Variants in LRIG2 observed in about 807,000 individuals in gnomAD.
LRIG2 encodes the protein leucine rich repeats and immunoglobulin like domains 2.
In LRIG2, 93 loss-of-function variants were observed where a neutral mutation model predicts 107.8. The observed-to-expected ratio is 0.86, with a 90% CI of 0.73 to 1.03. The LOEUF (loss-of-function observed/expected upper bound fraction) is 1.03, where lower values mean the gene tolerates loss of function less well. Among genes scored for constraint, LRIG2 ranks in the 50% least tolerant of loss-of-function variants. The probability of loss-of-function intolerance (pLI) is 0.00; values close to 1 mark genes in which losing one functional copy is unlikely to be tolerated. For missense variants in LRIG2, 1,226 were observed against 1,296.0 expected, an observed-to-expected ratio of 0.95 and a Z score of 0.83; for synonymous variants, 471 against 470.6, an observed-to-expected ratio of 1.00 and a Z score of -0.01.
chr1:113,112,777 A>C lies in LRIG2; in HGVS notation c.2080+17A>C. The C allele has an allele frequency of 2.5e-6, 4 of 1,575,328 alleles. No individual in the cohort carries two copies. In the South Asian group the frequency reaches 4.6e-5, roughly 18 times the overall value. ...CAGTGTTAGGTACGTTTACTGCTCC[A>C]TGGGTCCCTGCTTTTGTTGGAGTCT... On this transcript the variant is annotated intron_variant, in intron 14 of 17. Coordinates refer to ENST00000361127, the MANE Select transcript of LRIG2 (RefSeq NM_014813.3).
At chr1:113,086,554 T>G (rs1653563462) in intron 1 of LRIG2, among the ~76,000 whole-genome samples, 1 of 152,212 alleles carries the variant, frequency 6.6e-6, no homozygotes, top group Non-Finnish European at 1.5e-5. Flanking sequence ...CAGATGTATG[T>G]GTGACTGTGC....
Position 113,093,436 on chromosome 1 carries a change from TAATATAATCCCAGA to T in LRIG2, c.392_405del (p.Ile131LysfsTer35). The T allele has an allele frequency of 1.2e-6, 2 of 1,613,886 alleles. No individual in the cohort carries two copies. The highest frequency in any genetic ancestry group is 2.2e-5 in the South Asian group (2 of 91,070). ...TATAATCTTTGTTTTACAGAGTCCA[TAATATAATCCCAGA>T]AATAAATGCACAGGCACTCCAGTTT... On this transcript the variant is annotated frameshift_variant, in exon 4 of 18. Transcript: ENST00000361127. LOFTEE classifies it high-confidence loss of function.
chr1:113,075,160 C>A (rs1652914352), intron 1 of LRIG2, among the ~76,000 whole-genome samples: 1 of 151,120 alleles, frequency 6.6e-6, no homozygotes, highest in Non-Finnish European at 1.5e-5. Flanking sequence ...TGGAGTGAGC[C>A]GAGATCGTGC....
chr1:113,073,495 C>G lies in LRIG2; in HGVS notation c.89C>G (p.Thr30Ser). 1 of 1,614,188 alleles carries G rather than the reference C, an allele frequency of 6.2e-7. No homozygotes were observed. The highest frequency in any genetic ancestry group is 8.5e-7 in the Non-Finnish European group (1 of 1,180,024). ...VLSRLLFIAQ[T>S]ALLLLPAAGA... ...TCTCGGTTACTCTTCATTGCCCAGA[C>G]CGCTCTCCTCCTGTTGCCCGCCGCC... The change falls in exon 1 of 18, where the codon ACC (threonine) becomes AGC (serine). Residue 30 changes from threonine (T) to serine (S), a missense_variant. Thr to Ser is a moderately conservative substitution (Grantham distance 58, BLOSUM62 1). Coordinates refer to ENST00000361127, the MANE Select transcript of LRIG2 (RefSeq NM_014813.3).
intron 11 of LRIG2, among the ~76,000 whole-genome samples, chr1:113,101,185 C>A (rs1654293714): frequency 1.3e-5 from 2 of 152,302 alleles, no homozygotes; most frequent in African/African-American, 4.8e-5. Flanking sequence ...GTTCTCACCT[C>A]AGCCTCCTGA....
At chr1:113,078,797 C>T (rs957219162) in intron 1 of LRIG2, among the ~76,000 whole-genome samples, 2 of 151,856 alleles carry the variant, frequency 1.3e-5, no homozygotes, top group African/African-American at 2.4e-5. Context: ...TGCACCACCA[C>T]GCCCAGCTAA....
chr1:113,123,894 G>A lies in LRIG2; in HGVS notation c.2991G>A (p.Val997=), dbSNP rs1356768777. 6.2e-7 allele frequency: 1 copy of A among 1,614,132 alleles called. No homozygotes were observed. The highest frequency in any genetic ancestry group is 1.7e-5 in the Admixed American group (1 of 60,022). Residue 997 remains valine, a synonymous_variant, in exon 18 of 18, where the codon GTG becomes GTA. Transcript: ENST00000361127. ...QMSGETLQRP[V]WNINRELGLP... is the part of the protein sequence containing the mutation. ...TCTCAGAAACATTGCAGCGGCCCGT[G>A]TGGAACATAAACAGAGAACTAGGCC... is the stretch of plus-strand genomic sequence containing the variant.
At chr1:113,111,279 G>A (rs993282689) in intron 13 of LRIG2, among the ~76,000 whole-genome samples, 2 of 152,152 alleles carry the variant, frequency 1.3e-5, no homozygotes, top group African/African-American at 2.4e-5. Flanking sequence ...CAAGTGATCC[G>A]CCTGCCTTGG....
chr1:113,122,271 G>A (rs924625024), intron 17 of LRIG2, among the ~76,000 whole-genome samples: 4 of 151,494 alleles, frequency 2.6e-5, no homozygotes, highest in African/African-American at 9.7e-5. Flanking sequence ...TTTTTTAGTG[G>A]AGACAGGGTT....
intron 8 of LRIG2, among the ~76,000 whole-genome samples, chr1:113,097,778 A>G (rs915412037): frequency 6.6e-6 from 1 of 152,168 alleles, no homozygotes; most frequent in Non-Finnish European, 1.5e-5. Context: ...GCCAGGGTAG[A>G]TACAGTTCTT....
chr1:113,115,008 A>G, intron 15 of LRIG2, 132 bp downstream of exon 15: 2 of 791,142 alleles, frequency 2.5e-6, no homozygotes, highest in Non-Finnish European at 3.9e-6. Flanking sequence ...ACTCAGGAGG[A>G]TGAGGTGGGA....
chr1:113,092,991 AAAAAAAAAG>A (rs1227224475), intron 2 of LRIG2, among the ~76,000 whole-genome samples: 4 of 151,200 alleles, frequency 2.6e-5, no homozygotes, highest in Admixed American at 6.6e-5. Flanking sequence ...CTCTGTTTCA[AAAAAAAAAG>A]AAAAAAAAAA....
chr1:113,119,832 CAG>C (rs1001239792), intron 17 of LRIG2, among the ~76,000 whole-genome samples: 12 of 152,114 alleles, frequency 7.9e-5, no homozygotes, highest in African/African-American at 2.7e-4. Flanking sequence ...TTATTTGAGA[CAG>C]AGTATCACTG....
intron 16 of LRIG2, among the ~76,000 whole-genome samples, chr1:113,117,423 C>T (rs1655066969): frequency 6.6e-6 from 1 of 152,148 alleles, no homozygotes; most frequent in Non-Finnish European, 1.5e-5. Context: ...TGGGTGTCAA[C>T]AGAACTTTAT....
In LRIG2 at chr1:113,075,928, G is replaced by A. The variant is rs191233305; in HGVS notation, c.239+2283G>A. Among the ~76,000 whole-genome samples the A allele has an allele frequency of 1.0e-4, 15 of 150,442 alleles. No homozygotes were observed. In the East Asian group the frequency reaches 2.8e-3, roughly 28 times the overall value. On this transcript the variant is annotated intron_variant, in intron 1 of 17. Coordinates refer to ENST00000361127, the MANE Select transcript of LRIG2 (RefSeq NM_014813.3). Reference sequence around the variant, plus strand: ...GCCAGTCTGGTCTTAAACTCCTGATGTCAGGTGATCCACCCACCTCAGCCT... The same window carrying A: ...GCCAGTCTGGTCTTAAACTCCTGATATCAGGTGATCCACCCACCTCAGCCT...
chr1:113,112,799 G>A (rs1557916243), intron 14 of LRIG2, 39 bp downstream of exon 14: 1 of 1,546,282 alleles, frequency 6.5e-7, no homozygotes, highest in East Asian at 2.3e-5. Context: ...TTTTGTTGGA[G>A]TCTTTGGGAG....
chr1:113,089,923 G>T (rs2101029922), intron 1 of LRIG2, among the ~76,000 whole-genome samples: 1 of 151,628 alleles, frequency 6.6e-6, no homozygotes, highest in East Asian at 1.9e-4. Flanking sequence ...TTGAACTCCT[G>T]ACCCCGGGTG....
At chr1:113,084,730 C>T (rs1368347857) in intron 1 of LRIG2, among the ~76,000 whole-genome samples, 2 of 152,172 alleles carry the variant, frequency 1.3e-5, no homozygotes, top group African/African-American at 2.4e-5. Flanking sequence ...AGATGGATGA[C>T]ATTTTATATG....
At chr1:113,079,938 C>T (rs1332058634) in intron 1 of LRIG2, among the ~76,000 whole-genome samples, 1 of 150,742 alleles carries the variant, frequency 6.6e-6, no homozygotes, top group Non-Finnish European at 1.5e-5. Flanking sequence ...CCATGTTGGC[C>T]AGACTGATCT....
Sources: gnomAD v4.1 joint callset for allele counts (sites outside exome capture counted in the v4.1 genomes callset) on GRCh38, gnomAD v4.1.1 for gene constraint, MANE v1.5 for transcripts, NCBI Gene and HGNC (gene_info 2026-07-23, HGNC 2026-07-21) for gene names.